The following RAB3GAP2 variants were observed in gnomAD, a reference collection of about 807,000 sequenced individuals.
RAB3GAP2 encodes the protein RAB3 GTPase activating non-catalytic protein subunit 2.
RAB3GAP2 carries 87 observed loss-of-function variants against 185.3 expected under a neutral mutation model. That is an observed-to-expected ratio of 0.47 (90% CI 0.39 to 0.56). The LOEUF (loss-of-function observed/expected upper bound fraction) is 0.56. Among genes scored for constraint, RAB3GAP2 ranks in the 20% least tolerant of loss-of-function variants. RAB3GAP2 has a pLI of 0.00. For missense variants in RAB3GAP2, 1,492 were observed against 1,638.2 expected (o/e 0.91, Z 1.54); for synonymous variants, 554 against 576.1 (o/e 0.96, Z 0.55).
At chr1:220,203,259 C>A (rs1658896204) in intron 8 of RAB3GAP2, among the ~76,000 whole-genome samples, 1 of 152,198 alleles carries the variant, frequency 6.6e-6, no homozygotes, top group South Asian at 2.1e-4. Context: ...GCAACAGTTA[C>A]ATCTCTTGCC....
chr1:220,195,402 G>C, intron 10 of RAB3GAP2, 25 bp from the exon 11 acceptor site: 9 of 1,558,336 alleles, frequency 5.8e-6, no homozygotes, highest in Non-Finnish European at 8.0e-6. Flanking sequence ...ATTTGAAAGA[G>C]AAAACTTAGT....
chr1:220,218,243 C>A (rs142913088), intron 2 of RAB3GAP2, among the ~76,000 whole-genome samples: 1 of 152,228 alleles, frequency 6.6e-6, no homozygotes, highest in African/African-American at 2.4e-5. Context: ...TTTCTATGTC[C>A]TTTCTACTTC....
intron 1 of RAB3GAP2, among the ~76,000 whole-genome samples, chr1:220,240,099 A>G (rs1464751038): frequency 1.3e-5 from 2 of 152,186 alleles, no homozygotes; most frequent in African/African-American, 4.8e-5. Context: ...AAACAGTTCA[A>G]GAATAGCAAA....
chr1:220,236,205 T>A (rs930121037), intron 1 of RAB3GAP2, among the ~76,000 whole-genome samples: 1 of 151,820 alleles, frequency 6.6e-6, no homozygotes, highest in East Asian at 1.9e-4. Context: ...TGACATGGAG[T>A]CTTGTTCTGT....
rs186104727 is a variant in RAB3GAP2 at position 220,163,644 on chromosome 1, G to C, written c.3154+1089C>G. ...CCCAAAGTGTTGGGATTACAGGTGTGAGCCACTGCGTCCGGCAGTAACTTA... is the reference window on the plus strand; with the variant it reads ...CCCAAAGTGTTGGGATTACAGGTGTCAGCCACTGCGTCCGGCAGTAACTTA... On this transcript the variant is annotated intron_variant, in intron 27 of 34. Transcript: ENST00000358951. 3.3e-5 allele frequency among the ~76,000 whole-genome samples: 5 copies of C among 150,844 alleles called. No homozygotes were observed. The East Asian group carries it at 9.7e-4, about 29-fold the overall frequency.
At chr1:220,246,921 AAAG>A (rs1189077916) in intron 1 of RAB3GAP2, among the ~76,000 whole-genome samples, 2 of 152,070 alleles carry the variant, frequency 1.3e-5, no homozygotes, top group South Asian at 2.1e-4. Context: ...AAATAAATAA[AAAG>A]AAGAAAAAAA....
chr1:220,222,981 A>AT lies in RAB3GAP2; in HGVS notation c.181-9003_181-9002insA, dbSNP rs1659335580. Among the ~76,000 whole-genome samples, 5 of 152,350 alleles carry AT rather than the reference A, an allele frequency of 3.3e-5. 1 individual carries two copies. In the South Asian group the frequency reaches 1.0e-3, roughly 32 times the overall value. ...CAAAATTCATTTCATAAACAATTAC[A>AT]ATGGAACTCCAAAACTAAATGTATA... On this transcript the variant is annotated intron_variant, in intron 2 of 34. Transcript: ENST00000358951.
chr1:220,153,973 G>C lies in RAB3GAP2; in HGVS notation c.3640C>G (p.Gln1214Glu). The C allele has an allele frequency of 6.2e-7, 1 of 1,612,922 alleles. No individual in the cohort carries two copies. Among genetic ancestry groups the C allele is most frequent in the Non-Finnish European group, 8.5e-7 (1 of 1,179,554 alleles). Residue 1214 changes from glutamine to glutamate, a missense_variant, in exon 32 of 35, where the codon CAA becomes GAA. This residue lies in a region of RAB3GAP2 where 387 missense variants were observed against 455.3 expected (regional missense o/e 0.85). Coordinates refer to ENST00000358951, the MANE Select transcript of RAB3GAP2 (RefSeq NM_012414.4). ...EMDPNFISVR[Q>E]QFLLKVVSAA... is the part of the protein sequence containing the mutation. ...ATCCAATAGCTATAATTTACCTGTT[G>C]TCGTACAGAAATAAAATTTGGATCC... is the stretch of plus-strand genomic sequence containing the variant.
chr1:220,195,229 T>C (rs1264857861), intron 11 of RAB3GAP2, 62 bp from the exon 12 acceptor site: 3 of 1,602,534 alleles, frequency 1.9e-6, no homozygotes, highest in Admixed American at 3.3e-5. Context: ...GTGCAAACTA[T>C]CAAAATATAA....
At chr1:220,257,518 T>G (rs1288234275) in intron 1 of RAB3GAP2, among the ~76,000 whole-genome samples, 1 of 152,156 alleles carries the variant, frequency 6.6e-6, no homozygotes, top group East Asian at 1.9e-4. Context: ...AAAAGATCTT[T>G]GAATCTAATG....
At chr1:220,240,128 T>C (rs555737982) in intron 1 of RAB3GAP2, among the ~76,000 whole-genome samples, 1 of 152,170 alleles carries the variant, frequency 6.6e-6, no homozygotes, top group Admixed American at 6.5e-5. Context: ...ACTGGAGAAA[T>C]CTAAAAATAG....
At chr1:220,267,989 C>T (rs1471796497) in intron 1 of RAB3GAP2, 2 of 574,846 alleles carry the variant, frequency 3.5e-6, no homozygotes, top group Non-Finnish European at 6.2e-6. Context: ...CCAACTGATA[C>T]ACCTCTATAA....
At chr1:220,190,573 CA>C in intron 14 of RAB3GAP2, 53 bp from the exon 15 acceptor site, 1 of 1,529,388 alleles carries the variant, frequency 6.5e-7, no homozygotes, top group Admixed American at 1.7e-5. Flanking sequence ...GGAGAAATGC[CA>C]AAAGGTGCTT....
intron 2 of RAB3GAP2, among the ~76,000 whole-genome samples, chr1:220,214,946 T>TTATATGTATA (rs1553279016): frequency 1.1e-5 from 1 of 89,620 alleles, no homozygotes; most frequent in African/African-American, 4.8e-5. Flanking sequence ...AATAGTAGCA[T>TTATATGTATA]TATATATATA....
At position 220,149,310 on chromosome 1, in the gene RAB3GAP2, T is replaced by A. The variant is rs1278072931; in HGVS notation, c.*1941A>T. 6.6e-6 allele frequency: 1 copy of A among 152,206 alleles called. No individual in the cohort carries two copies. Among genetic ancestry groups the A allele is most frequent in the Non-Finnish European group, 1.5e-5 (1 of 68,030 alleles). The allele number at this position is 152,206 out of a possible 1,614,324, so 9.4% of individuals were successfully genotyped here. ...GTGTTAGGATTCTGTGAGCCATACT[T>A]CAGCTTATTATTGTTCTCAGCAATC... On this transcript the variant is annotated 3_prime_UTR_variant, in exon 35 of 35. Coordinates refer to ENST00000358951, the MANE Select transcript of RAB3GAP2 (RefSeq NM_012414.4).
chr1:220,217,462 T>C (rs1659220648), intron 2 of RAB3GAP2, among the ~76,000 whole-genome samples: 1 of 152,286 alleles, frequency 6.6e-6, no homozygotes, highest in South Asian at 2.1e-4. Context: ...CCAGTTCCTC[T>C]GGCAAACCCA....
chr1:220,243,086 G>A (rs532182701), intron 1 of RAB3GAP2, among the ~76,000 whole-genome samples: 275 of 152,178 alleles, frequency 1.8e-3, no homozygotes, highest in Non-Finnish European at 3.4e-3. Context: ...TGGGCACGGC[G>A]GCTCACGCCT....
intron 1 of RAB3GAP2, among the ~76,000 whole-genome samples, chr1:220,240,211 G>A (rs1287358505): frequency 6.6e-6 from 1 of 152,146 alleles, no homozygotes; most frequent in Non-Finnish European, 1.5e-5. Context: ...TTTAGGAGAT[G>A]TTGTTCCTAA....
chr1:220,245,637 C>T (rs559056029), intron 1 of RAB3GAP2, among the ~76,000 whole-genome samples: 3 of 151,858 alleles, frequency 2.0e-5, no homozygotes, highest in South Asian at 2.1e-4. Context: ...ACAAAGCAGC[C>T]GGGAAGCCCC....
Sources: gnomAD v4.1 joint callset for allele counts (sites outside exome capture counted in the v4.1 genomes callset) on GRCh38, gnomAD v4.1.1 for gene constraint, gnomAD v4.1.1 regional missense constraint, MANE v1.5 for transcripts, NCBI Gene and HGNC (gene_info 2026-07-23, HGNC 2026-07-21) for gene names.